The following CDH8 variants were observed in gnomAD, a reference collection of about 807,000 sequenced individuals.
The protein encoded by CDH8 is cadherin 8.
In CDH8, 17 loss-of-function variants were observed where a neutral mutation model predicts 68.1. That is an observed-to-expected ratio of 0.25 (90% confidence interval 0.17 to 0.37). CDH8 has a LOEUF of 0.37. CDH8 is among the 10% of genes least tolerant of loss of function. CDH8 has a pLI of 1.00. For synonymous variants in CDH8, 372 were observed against 365.1 expected, an observed-to-expected ratio of 1.02 and a Z score of -0.21; for missense variants, 763 against 999.3, an observed-to-expected ratio of 0.76 and a Z score of 3.19.
At chr16:61,916,444 G>A (rs1050631602) in intron 2 of CDH8, among the ~76,000 whole-genome samples, 11 of 152,120 alleles carry the variant, frequency 7.2e-5, no homozygotes, top group African/African-American at 2.7e-4. Flanking sequence ...GAACCCAGGA[G>A]GCGGAGGTTG....
chr16:61,705,308 T>C (rs867390297), intron 10 of CDH8, among the ~76,000 whole-genome samples: 1 of 152,186 alleles, frequency 6.6e-6, no homozygotes, highest in Admixed American at 6.6e-5. Context: ...CTCCATTAAC[T>C]GACAGGTACC....
At chr16:61,895,127 C>G (rs770790950) in intron 3 of CDH8, among the ~76,000 whole-genome samples, 2 of 152,114 alleles carry the variant, frequency 1.3e-5, no homozygotes, top group African/African-American at 2.4e-5. Context: ...CCTTAAACTT[C>G]CTATCCAATT....
intron 1 of CDH8, among the ~76,000 whole-genome samples, chr16:62,031,002 G>A (rs905412771): frequency 6.6e-6 from 1 of 152,154 alleles, no homozygotes. Flanking sequence ...AGGAAGGAGA[G>A]AGGAAGTAAA....
rs1349780946 is a variant in CDH8 at position 61,652,633 on chromosome 16, T to C, written c.*975A>G. ...GTACATGTATTAAACATTCATTGTATATATATTTATATAAAACAATCTAAA... is the reference window on the plus strand; with the variant it reads ...GTACATGTATTAAACATTCATTGTACATATATTTATATAAAACAATCTAAA... On this transcript the variant is annotated 3_prime_UTR_variant, in exon 12 of 12. Transcript: ENST00000577390. The C allele has an allele frequency of 9.3e-7, 1 of 1,078,510 alleles. No homozygotes were observed. Among genetic ancestry groups the C allele is most frequent in the African/African-American group, 1.6e-5 (1 of 61,478 alleles). The allele number at this position is 1,078,510 out of a possible 1,614,324, so 66.8% of individuals were successfully genotyped here. A position where few individuals can be genotyped will look rare whatever the true frequency, so the allele number is the denominator to read the frequency against.
intron 10 of CDH8, among the ~76,000 whole-genome samples, chr16:61,691,249 C>T (rs1486005785): frequency 5.9e-5 from 9 of 152,142 alleles, no homozygotes; most frequent in Admixed American, 5.2e-4. Context: ...ACTCTCAAGG[C>T]TTCTACTAAG....
chr16:61,860,140 C>G (rs1291646457), intron 3 of CDH8, among the ~76,000 whole-genome samples: 1 of 152,058 alleles, frequency 6.6e-6, no homozygotes, highest in African/African-American at 2.4e-5. Context: ...CTTTCAGTGC[C>G]TGATTAGGCA....
chr16:61,808,552 T>G (rs1160944636), intron 7 of CDH8, among the ~76,000 whole-genome samples: 1 of 152,188 alleles, frequency 6.6e-6, no homozygotes, highest in Non-Finnish European at 1.5e-5. Flanking sequence ...CCATGAGTAC[T>G]AAGATTCCAA....
intron 10 of CDH8, chr16:61,667,619 G>A (rs1328121572): frequency 6.6e-6 from 1 of 151,940 alleles, no homozygotes; most frequent in African/African-American, 2.4e-5. Flanking sequence ...TTTTTGAGGA[G>A]AGCATGGCCC....
At chr16:61,691,265 G>T (rs577040495) in intron 10 of CDH8, among the ~76,000 whole-genome samples, 1 of 152,070 alleles carries the variant, frequency 6.6e-6, no homozygotes, top group South Asian at 2.1e-4. Flanking sequence ...CTAAGGTAAA[G>T]GATCATACTC....
intron 7 of CDH8, among the ~76,000 whole-genome samples, chr16:61,812,973 T>C (rs1163920835): frequency 6.6e-6 from 1 of 152,210 alleles, no homozygotes; most frequent in Non-Finnish European, 1.5e-5. Context: ...TAATACATAA[T>C]AGGAGCTTAG....
rs1902201554 is a variant in CDH8, at chr16:62,026,490, G to A, written c.-199-4888C>T. 4.6e-5 allele frequency among the ~76,000 whole-genome samples: 7 copies of A among 152,282 alleles called. 1 individual carries two copies. The South Asian group carries it at 1.5e-3, about 32-fold the overall frequency. On this transcript the variant is annotated intron_variant, in intron 1 of 11. Coordinates refer to ENST00000577390, the MANE Select transcript of CDH8 (RefSeq NM_001796.5). The stretch of plus-strand genomic sequence containing the variant: ...ATAACCTAAAGGACTCAGTGGTGTG[G>A]TGGAAGAGTCACTTCCTCATGTCAT...
At chr16:61,995,951 T>C (rs142537175) in intron 2 of CDH8, among the ~76,000 whole-genome samples, 82 of 152,350 alleles carry the variant, frequency 5.4e-4, no homozygotes, top group Non-Finnish European at 1.0e-3. Flanking sequence ...AATCTTCAGA[T>C]GGCTCATACT....
At position 61,675,505 on chromosome 16, in the gene CDH8, C is replaced by G. The variant is rs372106395; in HGVS notation, c.1655-19784G>C. On this transcript the variant is annotated intron_variant, in intron 10 of 11. Transcript: ENST00000577390. ...GGGAGATATACCTAAGGCTAGATGA[C>G]GAGTTAGTGGGTGCAGCACACCAGC... Among the ~76,000 whole-genome samples, 40 of 147,590 alleles carry G rather than the reference C, an allele frequency of 2.7e-4. No individual in the cohort carries two copies. In the South Asian group the frequency reaches 8.4e-3, roughly 31 times the overall value.
chr16:61,698,363 TC>T (rs1200832976), intron 10 of CDH8, among the ~76,000 whole-genome samples: 2 of 152,218 alleles, frequency 1.3e-5, no homozygotes, highest in East Asian at 3.9e-4. Flanking sequence ...AATGGTTTCT[TC>T]GTCTTGTATG....
rs920201133 is a variant in CDH8 at position 61,655,621 on chromosome 16, T to A, written c.1755A>T (p.Pro585=). The A allele has an allele frequency of 1.2e-6, 2 of 1,614,186 alleles. No homozygotes were observed. Among genetic ancestry groups the A allele is most frequent in the Non-Finnish European group, 1.7e-6 (2 of 1,180,022 alleles). The change falls in exon 11 of 12, where the codon CCA becomes CCT. Residue 585 remains proline (P), a synonymous_variant. Transcript: ENST00000577390. ...PIIISDSGNP[P]LSSTSTLTIR... ...TTGTCAAGGTGCTAGTGCTGCTCAGTGGAGGATTTCCACTATCACTGATTA... is the reference window on the plus strand; with the variant it reads ...TTGTCAAGGTGCTAGTGCTGCTCAGAGGAGGATTTCCACTATCACTGATTA...
intron 8 of CDH8, among the ~76,000 whole-genome samples, chr16:61,758,842 G>GT (rs1162786637): frequency 1.3e-5 from 2 of 152,112 alleles, no homozygotes; most frequent in Non-Finnish European, 2.9e-5. Context: ...AAGATCTGAG[G>GT]TTTTTTTACT....
At chr16:61,803,231 A>G (rs1180373481) in intron 7 of CDH8, among the ~76,000 whole-genome samples, 1 of 120,616 alleles carries the variant, frequency 8.3e-6, no homozygotes, top group East Asian at 2.1e-4. Context: ...TCATAAGTGA[A>G]GGAGAAATAA....
chr16:61,783,353 T>C (rs1241639426), intron 8 of CDH8, among the ~76,000 whole-genome samples: 1 of 139,748 alleles, frequency 7.2e-6, no homozygotes. Flanking sequence ...GAAGATGAAA[T>C]GAATGAAATG....
intron 2 of CDH8, among the ~76,000 whole-genome samples, chr16:62,012,975 C>T (rs1431844787): frequency 1.0e-5 from 1 of 99,568 alleles, no homozygotes; most frequent in African/African-American, 3.4e-5. Flanking sequence ...CTACTTAAGG[C>T]CGGGCGCGGT....
Sources: gnomAD v4.1 joint callset for allele counts (sites outside exome capture counted in the v4.1 genomes callset) on GRCh38, gnomAD v4.1.1 for gene constraint, MANE v1.5 for transcripts, NCBI Gene and HGNC (gene_info 2026-07-23, HGNC 2026-07-21) for gene names.